The following GRIK2 variants were observed in gnomAD, a reference collection of about 807,000 sequenced individuals.
The protein encoded by GRIK2 is glutamate receptor ionotropic, kainate 2.
Under a neutral mutation model 100.3 loss-of-function variants are expected in GRIK2, and 32 were observed. The observed-to-expected ratio is 0.32, with a 90% CI of 0.24 to 0.43. The LOEUF (loss-of-function observed/expected upper bound fraction) is 0.43, where lower values mean the gene tolerates loss of function less well. Among genes scored for constraint, GRIK2 ranks in the 20% least tolerant of loss-of-function variants. GRIK2 has a pLI of 1.00. For missense variants in GRIK2, 843 were observed against 1,114.9 expected (o/e 0.76, Z 3.47); for synonymous variants, 417 against 389.4 (o/e 1.07, Z -0.83).
rs60301711 is a variant in GRIK2, at chr6:101,719,138, G to GTTTT, written c.951+32820_951+32823dup. On this transcript the variant is annotated intron_variant, in intron 7 of 16. Transcript: ENST00000369134. The stretch of plus-strand genomic sequence containing the variant: ...CTGAAATGTGCAACAGGCTGCAAGG[G>GTTTT]TTTTTTTTTTTTTTTTTTTTTTTTT... 4.4e-4 allele frequency among the ~76,000 whole-genome samples: 45 copies of GTTTT among 101,128 alleles called. 1 individual carries two copies. The highest frequency in any genetic ancestry group is 1.9e-3 in the African/African-American group (38 of 20,110). 66.3% of individuals were successfully genotyped at this position (101,128 alleles called of 152,430 possible).
chr6:101,414,537 GTC>G lies in GRIK2; in HGVS notation c.115+15151_115+15152del, dbSNP rs367706533. Among the ~76,000 whole-genome samples, 1,026 of 152,248 alleles carry G rather than the reference GTC, an allele frequency of 6.7e-3. 5 individuals carry two copies. Among genetic ancestry groups the G allele is most frequent in the South Asian group, 0.014 (67 of 4,822 alleles). On this transcript the variant is annotated intron_variant, in intron 2 of 16. Transcript: ENST00000369134. Reference sequence around the variant, plus strand: ...CAAAAGGTAGTTGTTCACTTCTCATGTCTCTCTGCAGATTTGGGTATTTCAGG... The same window carrying G: ...CAAAAGGTAGTTGTTCACTTCTCATGTCTCTGCAGATTTGGGTATTTCAGG...
chr6:101,543,546 A>G (rs2518219), intron 2 of GRIK2, among the ~76,000 whole-genome samples: 139,559 of 152,138 alleles, frequency 0.92, 64,142 homozygotes, highest in African/African-American at 0.97. Flanking sequence ...TTATTCCATG[A>G]TATTTATATG....
intron 2 of GRIK2, among the ~76,000 whole-genome samples, chr6:101,498,373 G>T (rs1307570104): frequency 1.9e-4 from 29 of 152,216 alleles, no homozygotes; most frequent in Non-Finnish European, 2.6e-4. Flanking sequence ...AGTCCTTTGG[G>T]TATATTCCCA....
intron 2 of GRIK2, among the ~76,000 whole-genome samples, chr6:101,618,410 A>G (rs955022652): frequency 1.3e-5 from 2 of 151,774 alleles, no homozygotes; most frequent in African/African-American, 2.4e-5. Context: ...TTGAATTACT[A>G]TGTTCAGTTA....
intron 7 of GRIK2, among the ~76,000 whole-genome samples, chr6:101,773,776 G>T (rs1778559920): frequency 6.6e-6 from 1 of 152,072 alleles, no homozygotes; most frequent in Non-Finnish European, 1.5e-5. Flanking sequence ...ACTTAAAGGT[G>T]AGGAAAATGA....
In GRIK2 at chr6:101,531,118, T is replaced by C. The variant is rs761246892; in HGVS notation, c.116-90831T>C. ...AAAGCTTCAGTTGGTTTTAGACTTATCAGTTTGAAGTGCCATAGAGTATCC... is the reference window on the plus strand; with the variant it reads ...AAAGCTTCAGTTGGTTTTAGACTTACCAGTTTGAAGTGCCATAGAGTATCC... On this transcript the variant is annotated intron_variant, in intron 2 of 16. Transcript: ENST00000369134. Among the ~76,000 whole-genome samples the C allele has an allele frequency of 2.2e-4, 33 of 152,114 alleles. No homozygotes were observed. In the Middle Eastern group the frequency reaches 0.027, roughly 125 times the overall value.
chr6:101,421,111 A>C (rs1171927459), intron 2 of GRIK2, among the ~76,000 whole-genome samples: 1 of 152,186 alleles, frequency 6.6e-6, no homozygotes, highest in Non-Finnish European at 1.5e-5. Context: ...TGGGAAGAGT[A>C]CACTAAGTCC....
intron 14 of GRIK2, among the ~76,000 whole-genome samples, chr6:101,972,356 GTGA>G (rs1358528571): frequency 6.6e-6 from 1 of 151,874 alleles, no homozygotes; most frequent in African/African-American, 2.4e-5. Context: ...ATGACTAGTG[GTGA>G]TGAACATTTT....
intron 10 of GRIK2, among the ~76,000 whole-genome samples, chr6:101,832,713 T>C (rs1027400225): frequency 1.3e-5 from 2 of 152,222 alleles, no homozygotes; most frequent in African/African-American, 4.8e-5. Context: ...TTTTCTGTAA[T>C]ATACATTTCA....
intron 1 of GRIK2, among the ~76,000 whole-genome samples, chr6:101,397,526 G>T (rs983977756): frequency 6.6e-6 from 1 of 152,158 alleles, no homozygotes; most frequent in African/African-American, 2.4e-5. Context: ...TGACACTGCA[G>T]TTATTGCCTC....
chr6:101,498,912 C>G (rs1773600309), intron 2 of GRIK2, among the ~76,000 whole-genome samples: 1 of 152,056 alleles, frequency 6.6e-6, no homozygotes, highest in Non-Finnish European at 1.5e-5. Flanking sequence ...GTTGCCATTG[C>G]TTTTGGTGTT....
At chr6:101,871,083 C>A (rs1785385359) in intron 11 of GRIK2, among the ~76,000 whole-genome samples, 1 of 151,638 alleles carries the variant, frequency 6.6e-6, no homozygotes, top group South Asian at 2.1e-4. Flanking sequence ...CAGGCAGGAG[C>A]AGAAAGGAAA....
intron 2 of GRIK2, among the ~76,000 whole-genome samples, chr6:101,469,257 T>C (rs1484639520): frequency 2.0e-5 from 3 of 152,154 alleles, no homozygotes; most frequent in Non-Finnish European, 2.9e-5. Context: ...ATACTATTTA[T>C]TGTAAAATTA....
At chr6:101,772,890 C>T (rs1251872261) in intron 7 of GRIK2, among the ~76,000 whole-genome samples, 1 of 152,072 alleles carries the variant, frequency 6.6e-6, no homozygotes, top group Non-Finnish European at 1.5e-5. Context: ...CACTCACATA[C>T]TGTAAGTACT....
chr6:101,825,743 G>T (rs1582313071), intron 10 of GRIK2, among the ~76,000 whole-genome samples: 1 of 151,984 alleles, frequency 6.6e-6, no homozygotes, highest in Admixed American at 6.6e-5. Flanking sequence ...TTGTATAAAA[G>T]AATGAATAGA....
At chr6:101,753,243 A>G (rs754861544) in intron 7 of GRIK2, among the ~76,000 whole-genome samples, 2 of 149,530 alleles carry the variant, frequency 1.3e-5, no homozygotes, top group Non-Finnish European at 3.0e-5. Flanking sequence ...AGATCTTGCC[A>G]CTGCACTCCA....
intron 10 of GRIK2, among the ~76,000 whole-genome samples, chr6:101,841,697 C>A (rs1318787158): frequency 6.6e-6 from 1 of 152,008 alleles, no homozygotes; most frequent in African/African-American, 2.4e-5. Context: ...AAACTTGGGG[C>A]ATAATTTCTC....
At chr6:101,916,767 T>C (rs1027840702) in intron 12 of GRIK2, among the ~76,000 whole-genome samples, 3 of 151,752 alleles carry the variant, frequency 2.0e-5, no homozygotes, top group African/African-American at 7.2e-5. Context: ...TAGCTAAGTT[T>C]GTTTCATAAT....
At chr6:101,650,045 G>A (rs573621642) in intron 4 of GRIK2, among the ~76,000 whole-genome samples, 1 of 152,180 alleles carries the variant, frequency 6.6e-6, no homozygotes, top group Admixed American at 6.5e-5. Context: ...GGCTTCCTGG[G>A]GAGTCCAGAC....
Sources: allele counts gnomAD v4.1 joint callset (sites outside exome capture counted in the v4.1 genomes callset), GRCh38; gene constraint gnomAD v4.1.1; transcripts MANE v1.5; gene names NCBI Gene and HGNC (gene_info 2026-07-23, HGNC 2026-07-21).